Variants in BTBD7 observed in about 807,000 individuals in gnomAD.
The protein encoded by BTBD7 is BTB/POZ domain-containing protein 7.
Under a neutral mutation model 99.9 loss-of-function variants are expected in BTBD7, and 38 were observed. The observed-to-expected ratio is 0.38, with a 90% CI of 0.29 to 0.50. BTBD7 has a LOEUF of 0.50. Among genes scored for constraint, BTBD7 ranks in the 20% least tolerant of loss-of-function variants. BTBD7 has a pLI of 0.93. For missense variants in BTBD7, 1,170 were observed against 1,394.6 expected, an observed-to-expected ratio of 0.84 and a Z score of 2.57; for synonymous variants, 520 against 511.4, an observed-to-expected ratio of 1.02 and a Z score of -0.23.
rs2052830683 is a variant in BTBD7 at position 93,290,134 on chromosome 14, T to G, written c.1162+3724A>C. On this transcript the variant is annotated intron_variant, in intron 3 of 10. Coordinates refer to ENST00000334746, the MANE Select transcript of BTBD7 (RefSeq NM_001002860.4). ...TCCCAAAGTGCTGGGATTAAAGGTGTTTGAGCCACCGCACCTGGCACCAAG... is the reference window on the plus strand; with the variant it reads ...TCCCAAAGTGCTGGGATTAAAGGTGGTTGAGCCACCGCACCTGGCACCAAG... Among the ~76,000 whole-genome samples, 5 of 151,914 alleles carry G rather than the reference T, an allele frequency of 3.3e-5. No individual in the cohort carries two copies. In the South Asian group the frequency reaches 1.0e-3, roughly 32 times the overall value.
intron 5 of BTBD7, among the ~76,000 whole-genome samples, chr14:93,260,053 G>GA (rs1337684193): frequency 4.6e-5 from 7 of 151,926 alleles, no homozygotes; most frequent in Admixed American, 1.3e-4. Context: ...GCCAGCCACA[G>GA]AAAAAAAATT....
chr14:93,248,707 G>C, intron 8 of BTBD7, 53 bp from the exon 9 acceptor site: 2 of 1,467,798 alleles, frequency 1.4e-6, no homozygotes, highest in Middle Eastern at 2.5e-4. Flanking sequence ...CACAAAAGAC[G>C]ACCCCGTGAG....
At chr14:93,331,816 G>A (rs1270610975) in intron 1 of BTBD7, among the ~76,000 whole-genome samples, 2 of 151,594 alleles carry the variant, frequency 1.3e-5, no homozygotes, top group South Asian at 2.1e-4. Flanking sequence ...GAGAGGCGGA[G>A]GTTGCAGTGA....
intron 10 of BTBD7, chr14:93,244,377 G>A (rs113937870): frequency 5.3e-4 from 102 of 194,248 alleles, no homozygotes; most frequent in Non-Finnish European, 9.3e-4. Context: ...TTGGCCGGGC[G>A]CAGTGGCCCA....
chr14:93,269,280 A>G (rs1468610500), intron 3 of BTBD7, among the ~76,000 whole-genome samples: 1 of 152,208 alleles, frequency 6.6e-6, no homozygotes, highest in Non-Finnish European at 1.5e-5. Flanking sequence ...ATTAATGATA[A>G]TACAACTTTG....
In BTBD7 at chr14:93,246,038, T is replaced by G. The variant is rs375634897; in HGVS notation, c.2370A>C (p.Ser790=). Residue 790 remains serine (S), a synonymous_variant, in exon 10 of 11, where the codon TCA becomes TCC. Transcript: ENST00000334746. ...WKQRPPSQHP[S]RSFSYPCNHS... Reference sequence around the variant, plus strand: ...GATTACAGGGATAAGAAAATGAACGTGAAGGGTGCTGACTGGGAGGTCTTT... The same window carrying G: ...GATTACAGGGATAAGAAAATGAACGGGAAGGGTGCTGACTGGGAGGTCTTT... 3.7e-6 allele frequency: 6 copies of G among 1,612,246 alleles called. No individual in the cohort carries two copies. The highest frequency in any genetic ancestry group is 1.3e-5 in the African/African-American group (1 of 74,134).
intron 10 of BTBD7, among the ~76,000 whole-genome samples, chr14:93,244,597 C>T (rs1168384645): frequency 6.6e-6 from 1 of 151,978 alleles, no homozygotes; most frequent in East Asian, 1.9e-4. Flanking sequence ...TGCAGTGAGC[C>T]GAGATTGCAC....
In BTBD7 at chr14:93,294,382, C is replaced by T. The variant is rs1267622982; in HGVS notation, c.638G>A (p.Arg213Lys). The T allele has an allele frequency of 4.3e-6, 7 of 1,614,006 alleles. No homozygotes were observed. The highest frequency in any genetic ancestry group is 5.9e-6 in the Non-Finnish European group (7 of 1,180,004). The stretch of plus-strand genomic sequence containing the variant: ...AACAAGGATATCGACATTTTGAAAC[C>T]TTGAGTCCTCCATTCCAAACTCTCC... ...YTGEFGMEDSRFQNVDILVQL... is the reference protein window; with the variant it reads ...YTGEFGMEDSKFQNVDILVQL... The change falls in exon 3 of 11, where the codon AGG (arginine) becomes AAG (lysine). Residue 213 changes from arginine (R) to lysine (K), a missense_variant. Coordinates refer to ENST00000334746, the MANE Select transcript of BTBD7 (RefSeq NM_001002860.4).
intron 6 of BTBD7, among the ~76,000 whole-genome samples, chr14:93,254,111 G>A (rs974718762): frequency 6.6e-6 from 1 of 151,902 alleles, no homozygotes; most frequent in African/African-American, 2.4e-5. Context: ...CTAATTTTTT[G>A]TACTTTTAGT....
chr14:93,252,807 G>A (rs950759049), intron 7 of BTBD7, among the ~76,000 whole-genome samples: 1 of 151,720 alleles, frequency 6.6e-6, no homozygotes, highest in African/African-American at 2.4e-5. Flanking sequence ...TCCTCAAAAG[G>A]CCAAAGTTTT....
At chr14:93,300,777 TATATATATA>T (rs2052993228) in intron 1 of BTBD7, among the ~76,000 whole-genome samples, 1 of 99,326 alleles carries the variant, frequency 1.0e-5, no homozygotes. Flanking sequence ...TGTGTGTATA[TATATATATA>T]TTTTTTTTTT....
At chr14:93,257,839 C>CATA (rs1342345498) in intron 5 of BTBD7, among the ~76,000 whole-genome samples, 3 of 152,158 alleles carry the variant, frequency 2.0e-5, no homozygotes, top group Admixed American at 6.5e-5. Flanking sequence ...AGCAGCAAAG[C>CATA]ATAATGTGCT....
chr14:93,254,595 C>G (rs576123785), intron 6 of BTBD7, among the ~76,000 whole-genome samples: 2 of 152,298 alleles, frequency 1.3e-5, no homozygotes, highest in South Asian at 4.1e-4. Flanking sequence ...TGACCATGGA[C>G]ATCTCCTTTA....
intron 1 of BTBD7, among the ~76,000 whole-genome samples, chr14:93,319,973 T>TA (rs1295283926): frequency 6.6e-6 from 1 of 151,730 alleles, no homozygotes; most frequent in Non-Finnish European, 1.5e-5. Flanking sequence ...ATAAAGAAAA[T>TA]AAAAATGGAA....
At chr14:93,254,887 T>C (rs946947308) in intron 6 of BTBD7, among the ~76,000 whole-genome samples, 11 of 152,200 alleles carry the variant, frequency 7.2e-5, no homozygotes, top group Admixed American at 5.9e-4. Flanking sequence ...AGAGCAGAGG[T>C]ATATATTTCC....
chr14:93,299,648 G>A (rs1372214339), intron 1 of BTBD7, among the ~76,000 whole-genome samples: 2 of 150,446 alleles, frequency 1.3e-5, no homozygotes, highest in Non-Finnish European at 3.0e-5. Flanking sequence ...CAGTGATCAC[G>A]GCAGACCTAA....
In BTBD7 at chr14:93,242,412, G is replaced by T. The variant is rs1252899346; in HGVS notation, c.3260C>A (p.Ser1087Tyr). 6.2e-7 allele frequency: 1 copy of T among 1,614,222 alleles called. No homozygotes were observed. Residue 1087 changes from serine to tyrosine, a missense_variant, in exon 11 of 11, where the codon TCC becomes TAC. By Grantham distance (144) the Ser-to-Tyr change is moderately radical. Around this residue, in one of 4 missense-constraint regions of BTBD7, gnomAD observed 495 missense variants for 525.9 expected, o/e 0.94. Coordinates refer to ENST00000334746, the MANE Select transcript of BTBD7 (RefSeq NM_001002860.4). The stretch of plus-strand genomic sequence containing the variant: ...CTCACTGTCTGCCAGTCTTCTACCG[G>T]ATCTCTCTTCGGGAGCTTCAGAGCT... The part of the protein sequence containing the change: ...ACSSEAPEER[S>Y]GRRLADSESL...
chr14:93,304,413 G>T (rs563451495), intron 1 of BTBD7, among the ~76,000 whole-genome samples: 1 of 152,186 alleles, frequency 6.6e-6, no homozygotes, highest in East Asian at 1.9e-4. Flanking sequence ...GTGCAGTGGC[G>T]CAATCTTGGC....
intron 1 of BTBD7, among the ~76,000 whole-genome samples, chr14:93,321,747 T>G (rs990498109): frequency 1.3e-5 from 2 of 152,190 alleles, no homozygotes; most frequent in African/African-American, 4.8e-5. Flanking sequence ...TTCTAAACTG[T>G]ATGATCTTGG....
Sources: gnomAD v4.1 joint callset for allele counts (sites outside exome capture counted in the v4.1 genomes callset) on GRCh38, gnomAD v4.1.1 for gene constraint, gnomAD v4.1.1 regional missense constraint, MANE v1.5 for transcripts, NCBI Gene and HGNC (gene_info 2026-07-23, HGNC 2026-07-21) for gene names.